CHRNA4: variants seen among roughly 807,000 people sequenced by gnomAD.
CHRNA4 encodes the protein neuronal acetylcholine receptor subunit alpha-4.
In CHRNA4, 28 loss-of-function variants were observed where a neutral mutation model predicts 48.9. The ratio of observed to expected loss-of-function variants is 0.57; its 90% CI spans 0.42 to 0.79. The LOEUF is 0.79. CHRNA4 is among the 30% of genes least tolerant of loss of function. The probability of loss-of-function intolerance (pLI) is 0.00; values close to 1 mark genes in which losing one functional copy is unlikely to be tolerated. For missense variants in CHRNA4, 859 were observed against 898.4 expected (o/e 0.96, Z 0.56); for synonymous variants, 425 against 402.3 (o/e 1.06, Z -0.68).
Position 63,349,462 on chromosome 20 carries a change from G to A in CHRNA4, c.1758+191C>T, listed in dbSNP as rs114426220. ...CCAGCCACTCGGGGCCCCCTGCCCC[G>A]CTCAGCCTGGGACCTGCGGCCACAT... On this transcript the variant is annotated intron_variant, in intron 5 of 5. Transcript: ENST00000370263. The A allele has an allele frequency of 0.022, 16,791 of 755,502 alleles. 1,341 individuals are homozygous for A. The highest frequency in any genetic ancestry group is 0.2 in the African/African-American group (11,313 of 57,220). 46.8% of individuals were successfully genotyped at this position (755,502 alleles called of 1,614,324 possible).
chr20:63,354,501 AGAGG>A, intron 4 of CHRNA4: 1 of 775,964 alleles, frequency 1.3e-6, no homozygotes, highest in African/African-American at 2.2e-5. Context: ...CTGTGGTCCT[AGAGG>A]AACTGTGGTC....
chr20:63,346,777 C>T lies in CHRNA4; in HGVS notation c.1845G>A (p.Val615=). 2 of 1,612,192 alleles carry T rather than the reference C, an allele frequency of 1.2e-6. No homozygotes were observed. The highest frequency in any genetic ancestry group is 1.7e-6 in the Non-Finnish European group (2 of 1,179,712). ...MFIIVCLLGT[V]GLFLPPWLAG... is the part of the protein sequence containing the mutation. ...CCAGCCAGGGCGGCAGGAAGAGGCC[C>T]ACCGTCCCCAGCAGGCAGACGATGA... The change falls in exon 6 of 6, where the codon GTG becomes GTA. Residue 615 remains valine, a synonymous_variant. Coordinates refer to ENST00000370263, the MANE Select transcript of CHRNA4 (RefSeq NM_000744.7).
At position 63,350,286 on chromosome 20, in the gene CHRNA4, C is replaced by A. The variant is rs1352482410; in HGVS notation, c.1125G>T (p.Met375Ile). 1 of 1,612,588 alleles carries A rather than the reference C, an allele frequency of 6.2e-7. No homozygotes were observed. Among genetic ancestry groups the A allele is most frequent in the Admixed American group, 1.7e-5 (1 of 59,958 alleles). Residue 375 changes from methionine to isoleucine, a missense_variant, in exon 5 of 6, where the codon ATG becomes ATT. Physicochemically the swap from Met to Ile is conservative, Grantham distance 10. This residue lies in a region of CHRNA4 where 478 missense variants were observed against 455.4 expected (regional missense o/e 1.05). Transcript: ENST00000370263. The stretch of plus-strand genomic sequence containing the variant: ...AGCGCGGGGCACTGGCCATCTTATG[C>A]ATGGACTCGATGAGCCGCCGGCAAT... ...KDNCRRLIES[M>I]HKMASAPRFW...
At position 63,345,549 on chromosome 20, in the gene CHRNA4, CCGCCTG is replaced by C. The variant is rs2068478264; in HGVS notation, c.*1183_*1188del. 1 of 428,564 alleles carries C rather than the reference CCGCCTG, an allele frequency of 2.3e-6. No homozygotes were observed. Among genetic ancestry groups the C allele is most frequent in the African/African-American group, 2.0e-5 (1 of 49,442 alleles). The allele number at this position is 428,564 out of a possible 1,614,324, so 26.5% of individuals were successfully genotyped here. ...TTCAGGCCTCCCTCACCTCTGGATACCGCCTGCAGGGGTGAGGCTGTGCTGAGCTCT... is the reference window on the plus strand; with the variant it reads ...TTCAGGCCTCCCTCACCTCTGGATACCAGGGGTGAGGCTGTGCTGAGCTCT... On this transcript the variant is annotated 3_prime_UTR_variant, in exon 6 of 6. Transcript: ENST00000370263. This position sits in a 1 kb window ranked among gnomAD's most constrained non-coding sequence, Gnocchi z 5.4.
In CHRNA4 at chr20:63,346,763, G is replaced by A. The variant is rs754340834; in HGVS notation, c.1859C>T (p.Pro620Leu). 8 of 1,611,352 alleles carry A rather than the reference G, an allele frequency of 5.0e-6. No homozygotes were observed. The highest frequency in any genetic ancestry group is 2.2e-5 in the East Asian group (1 of 44,860). ...CLLGTVGLFL[P>L]PWLAGMI ...CTAGATCATGCCAGCCAGCCAGGGC[G>A]GCAGGAAGAGGCCCACCGTCCCCAG... The change falls in exon 6 of 6, where the codon CCG (proline) becomes CTG (leucine). Residue 620 changes from proline (P) to leucine (L), a missense_variant. Coordinates refer to ENST00000370263, the MANE Select transcript of CHRNA4 (RefSeq NM_000744.7).
chr20:63,343,234 C>A lies in CHRNA4; in HGVS notation c.*3504G>T, dbSNP rs957165377. 1 of 392,610 alleles carries A rather than the reference C, an allele frequency of 2.5e-6. No individual in the cohort carries two copies. Among genetic ancestry groups the A allele is most frequent in the Non-Finnish European group, 5.2e-6 (1 of 193,776 alleles). The allele number at this position is 392,610 out of a possible 1,614,324, so 24.3% of individuals were successfully genotyped here. A position where few individuals can be genotyped will look rare whatever the true frequency, so the allele number is the denominator to read the frequency against. ...AAGCACGGCACACGTGGTGACGGTG[C>A]GTTTTATTCATTGAAGTCTGTGCAC... On this transcript the variant is annotated 3_prime_UTR_variant, in exon 6 of 6. Transcript: ENST00000370263.
chr20:63,355,961 TG>T lies in CHRNA4; in HGVS notation c.383+13del. On this transcript the variant is annotated intron_variant, in intron 4 of 5. Coordinates refer to ENST00000370263, the MANE Select transcript of CHRNA4 (RefSeq NM_000744.7). ...AAGGCCCTGTAGAGGACTCACTTGT[TG>T]TAGAGGACTCACTTGTTGTAGAGGA... 6.2e-7 allele frequency: 1 copy of T among 1,609,984 alleles called. No individual in the cohort carries two copies. The highest frequency in any genetic ancestry group is 8.5e-7 in the Non-Finnish European group (1 of 1,178,450).
rs2068499652 is a variant in CHRNA4 at position 63,346,667 on chromosome 20, C to T, written c.*71G>A. ...AGAGTCCAGGGAGAAGCCAGCCCGG[C>T]CCCAGGCCGGCCGCATGGATGCTGG... is the stretch of plus-strand genomic sequence containing the variant. On this transcript the variant is annotated 3_prime_UTR_variant, in exon 6 of 6. Coordinates refer to ENST00000370263, the MANE Select transcript of CHRNA4 (RefSeq NM_000744.7). 2 of 1,548,230 alleles carry T rather than the reference C, an allele frequency of 1.3e-6. No homozygotes were observed. The highest frequency in any genetic ancestry group is 1.4e-5 in the African/African-American group (1 of 73,518).
Position 63,349,653 on chromosome 20 carries a change from C to T in CHRNA4, c.1758G>A (p.Ser586=), listed in dbSNP as rs199662429. Residue 586 remains serine (S), a splice_region_variant and synonymous_variant, in exon 5 of 6, where the codon TCG becomes TCA. Coordinates refer to ENST00000370263, the MANE Select transcript of CHRNA4 (RefSeq NM_000744.7). ...DHLKAEDTDF[S]VKEDWKYVAM... ...CAACACAGCCATGGGCGGGACTTAC[C>T]GAGAAGTCTGTGTCTTCGGCCTTCA... 17 of 1,612,690 alleles carry T rather than the reference C, an allele frequency of 1.1e-5. No homozygotes were observed. Among genetic ancestry groups the T allele is most frequent in the South Asian group, 2.2e-5 (2 of 91,092 alleles).
chr20:63,349,077 G>C (rs1159654897), intron 5 of CHRNA4, among the ~76,000 whole-genome samples: 2 of 152,062 alleles, frequency 1.3e-5, no homozygotes, highest in Non-Finnish European at 1.5e-5. Context: ...CCAGCCCCTG[G>C]CTCTCCCACC....
Position 63,345,862 on chromosome 20 carries a change from C to T in CHRNA4, c.*876G>A, listed in dbSNP as rs1325742518. On this transcript the variant is annotated 3_prime_UTR_variant, in exon 6 of 6. Coordinates refer to ENST00000370263, the MANE Select transcript of CHRNA4 (RefSeq NM_000744.7). This position sits in a 1 kb window ranked among gnomAD's most constrained non-coding sequence, Gnocchi z 5.4. ...GGTCTGGACTCCATTCGGGACCTTC[C>T]CAGCTCCGGGGAATCACAACACAGA... The T allele has an allele frequency of 2.2e-6, 1 of 452,882 alleles. No individual in the cohort carries two copies. The highest frequency in any genetic ancestry group is 2.0e-5 in the African/African-American group (1 of 49,982). The allele number at this position is 452,882 out of a possible 1,614,324, so 28.1% of individuals were successfully genotyped here. A position where few individuals can be genotyped will look rare whatever the true frequency, so the allele number is the denominator to read the frequency against.
chr20:63,361,223 A>G lies in CHRNA4; in HGVS notation c.-58T>C. On this transcript the variant is annotated 5_prime_UTR_variant, in exon 1 of 6. Transcript: ENST00000370263. ...CGGCTCCCGGCTCCCCGCCGCTTCG[A>G]GGCCCGTGCGCGCCCAACTTCATGC... The G allele has an allele frequency of 6.9e-7, 1 of 1,442,258 alleles. No homozygotes were observed. The highest frequency in any genetic ancestry group is 9.1e-7 in the Non-Finnish European group (1 of 1,100,826). 89.3% of individuals were successfully genotyped at this position (1,442,258 alleles called of 1,614,324 possible).
At chr20:63,356,208 G>A (rs2068716513) in intron 3 of CHRNA4, 124 bp from the exon 4 acceptor site, 5 of 694,354 alleles carry the variant, frequency 7.2e-6, no homozygotes, top group East Asian at 3.0e-5. Flanking sequence ...GGGTGTGAGG[G>A]AGGGCAGGGG....
At position 63,345,740 on chromosome 20, in the gene CHRNA4, C is replaced by A. The variant is rs1267627967; in HGVS notation, c.*998G>T. The A allele has an allele frequency of 8.9e-6, 4 of 448,418 alleles. No individual in the cohort carries two copies. Among genetic ancestry groups the A allele is most frequent in the Non-Finnish European group, 1.4e-5 (3 of 222,170 alleles). The allele number at this position is 448,418 out of a possible 1,614,324, so 27.8% of individuals were successfully genotyped here. Reference sequence around the variant, plus strand: ...CACCAGCTCCCCACAGCTACTGTAGCAGGAAGTCCTTCTTCCCGAACCCAG... The same window carrying A: ...CACCAGCTCCCCACAGCTACTGTAGAAGGAAGTCCTTCTTCCCGAACCCAG... On this transcript the variant is annotated 3_prime_UTR_variant, in exon 6 of 6. Transcript: ENST00000370263. This position sits in a 1 kb window ranked among gnomAD's most constrained non-coding sequence, Gnocchi z 5.4.
chr20:63,351,238 A>AAGTCCACATCCATGCCCC, intron 4 of CHRNA4: 1 of 376,430 alleles, frequency 2.7e-6, no homozygotes, highest in Non-Finnish European at 4.8e-6. Flanking sequence ...ATCCACACCC[A>AAGTCCACATCCATGCCCC]CGTCCACGTC....
Position 63,343,704 on chromosome 20 carries a change from G to A in CHRNA4, c.*3034C>T. On this transcript the variant is annotated 3_prime_UTR_variant, in exon 6 of 6. Coordinates refer to ENST00000370263, the MANE Select transcript of CHRNA4 (RefSeq NM_000744.7). ...GAAGCCCTGGCCAGGGCCTTCACTGGGGCCTCCCCTGGGAAGGAGGGGGCA... is the reference window on the plus strand; with the variant it reads ...GAAGCCCTGGCCAGGGCCTTCACTGAGGCCTCCCCTGGGAAGGAGGGGGCA... 1 of 446,664 alleles carries A rather than the reference G, an allele frequency of 2.2e-6. No homozygotes were observed. The highest frequency in any genetic ancestry group is 4.5e-6 in the Non-Finnish European group (1 of 221,868). The allele number at this position is 446,664 out of a possible 1,614,324, so 27.7% of individuals were successfully genotyped here. A position where few individuals can be genotyped will look rare whatever the true frequency, so the allele number is the denominator to read the frequency against.
rs894142383 is a variant in CHRNA4, at chr20:63,346,448, A to G, written c.*290T>C. The stretch of plus-strand genomic sequence containing the variant: ...TGCAGGGGAGCTCAGGAGACTCTTG[A>G]ACTGGACTTAGCCCGAGTCCTGCAG... On this transcript the variant is annotated 3_prime_UTR_variant, in exon 6 of 6. Coordinates refer to ENST00000370263, the MANE Select transcript of CHRNA4 (RefSeq NM_000744.7). 8 of 595,170 alleles carry G rather than the reference A, an allele frequency of 1.3e-5. No homozygotes were observed. In the African/African-American group the frequency reaches 1.5e-4, roughly 11 times the overall value. The allele number at this position is 595,170 out of a possible 1,614,324, so 36.9% of individuals were successfully genotyped here.
chr20:63,349,836 C>T lies in CHRNA4; in HGVS notation c.1575G>A (p.Gln525=), dbSNP rs1374296868. The change falls in exon 5 of 6, where the codon CAG becomes CAA. Residue 525 remains glutamine (Q), a synonymous_variant. Transcript: ENST00000370263. ...THSAELPPPD[Q]PSPCKCTCKK... ...TGCATGTGCATTTGCACGGAGAGGG[C>T]TGGTCTGGGGGTGGGAGCTCAGCCG... The T allele has an allele frequency of 6.3e-7, 1 of 1,596,848 alleles. No individual in the cohort carries two copies. The highest frequency in any genetic ancestry group is 2.3e-5 in the East Asian group (1 of 44,434).
At chr20:63,357,855 G>A (rs2068743012) in intron 2 of CHRNA4, among the ~76,000 whole-genome samples, 1 of 152,194 alleles carries the variant, frequency 6.6e-6, no homozygotes, top group Non-Finnish European at 1.5e-5. Flanking sequence ...TGGAGAGAGG[G>A]GTGGGCAGCT....
Sources: gnomAD v4.1 joint callset for allele counts (sites outside exome capture counted in the v4.1 genomes callset) on GRCh38, gnomAD v4.1.1 for gene constraint, gnomAD v4.1.1 regional missense constraint, Gnocchi (gnomAD v3.1) non-coding constraint, MANE v1.5 for transcripts, NCBI Gene and HGNC (gene_info 2026-07-23, HGNC 2026-07-21) for gene names.